RAB33B: variants seen among roughly 807,000 people sequenced by gnomAD.
The protein encoded by RAB33B is ras-related protein Rab-33B.
RAB33B carries 6 observed loss-of-function variants against 15.0 expected under a neutral mutation model. The ratio of observed to expected loss-of-function variants is 0.40; its 90% CI spans 0.22 to 0.79. The LOEUF is 0.79. Among genes scored for constraint, RAB33B ranks in the 30% least tolerant of loss-of-function variants. The probability of loss-of-function intolerance (pLI) is 0.37; values close to 1 mark genes in which losing one functional copy is unlikely to be tolerated. For missense variants in RAB33B, 257 were observed against 296.4 expected (o/e 0.87, Z 0.98); for synonymous variants, 117 against 108.3 (o/e 1.08, Z -0.50).
intron 1 of RAB33B, among the ~76,000 whole-genome samples, chr4:139,457,950 C>G (rs990476865): frequency 6.6e-6 from 1 of 152,198 alleles, no homozygotes; most frequent in Non-Finnish European, 1.5e-5. Flanking sequence ...AATTCTAGTT[C>G]AAGTCCTTTT....
intron 1 of RAB33B, 113 bp from the exon 2 acceptor site, chr4:139,472,573 A>G: frequency 1.2e-6 from 1 of 800,606 alleles, no homozygotes; most frequent in Non-Finnish European, 1.9e-6. Flanking sequence ...GAAGGGAGAA[A>G]TCAAAATATT....
intron 1 of RAB33B, among the ~76,000 whole-genome samples, chr4:139,461,238 C>T (rs1750166386): frequency 6.6e-6 from 1 of 152,132 alleles, no homozygotes; most frequent in Admixed American, 6.5e-5. Context: ...CACATGCCCT[C>T]CCTGGGAGCC....
In RAB33B at chr4:139,454,338, G is replaced by A; in HGVS notation, c.143G>A (p.Cys48Tyr). ...VIGDSNVGKTCLTYRFCAGRF... is the reference protein window; with the variant it reads ...VIGDSNVGKTYLTYRFCAGRF... ...GGCGACTCCAATGTGGGCAAGACAT[G>A]CCTGACCTACCGCTTCTGCGCTGGC... Residue 48 changes from cysteine to tyrosine, a missense_variant, in exon 1 of 2, where the codon TGC becomes TAC. By Grantham distance (194) the Cys-to-Tyr change is radical (BLOSUM62 -2). Coordinates refer to ENST00000305626, the MANE Select transcript of RAB33B (RefSeq NM_031296.3). The A allele has an allele frequency of 6.2e-7, 1 of 1,614,160 alleles. No individual in the cohort carries two copies. Among genetic ancestry groups the A allele is most frequent in the Non-Finnish European group, 8.5e-7 (1 of 1,180,024 alleles).
chr4:139,473,086 T>C lies in RAB33B; in HGVS notation c.650T>C (p.Leu217Pro). The change falls in exon 2 of 2, where the codon CTG (leucine) becomes CCG (proline). Residue 217 changes from leucine (L) to proline (P), a missense_variant. Physicochemically the swap from Leu to Pro is moderately conservative, Grantham distance 98. Transcript: ENST00000305626. ...CAGCCCCCTGATAATGGAATTATCC[T>C]GAAGCCTGAACCAAAGCCTGCAATG... is the stretch of plus-strand genomic sequence containing the variant. Reference protein sequence around the residue: ...LSQPPDNGIILKPEPKPAMTC... With the variant: ...LSQPPDNGIIPKPEPKPAMTC... 1 of 1,612,070 alleles carries C rather than the reference T, an allele frequency of 6.2e-7. No individual in the cohort carries two copies.
At position 139,474,234 on chromosome 4, in the gene RAB33B, AT is replaced by A. The variant is rs1237109210; in HGVS notation, c.*1109del. 1 of 152,188 alleles carries A rather than the reference AT, an allele frequency of 6.6e-6. No individual in the cohort carries two copies. The highest frequency in any genetic ancestry group is 2.4e-5 in the African/African-American group (1 of 41,458). 9.4% of individuals were successfully genotyped at this position (152,188 alleles called of 1,614,324 possible). On this transcript the variant is annotated 3_prime_UTR_variant, in exon 2 of 2. Coordinates refer to ENST00000305626, the MANE Select transcript of RAB33B (RefSeq NM_031296.3). ...CTTTCTTACTAAATCCTATTAAAAT[AT>A]GCAAAAATAAGTCAGATTTTAAGGC...
chr4:139,456,024 C>T (rs1750062208), intron 1 of RAB33B, among the ~76,000 whole-genome samples: 1 of 152,202 alleles, frequency 6.6e-6, no homozygotes, highest in Admixed American at 6.5e-5. Context: ...GATTCTTTAA[C>T]CTCTCAGAGT....
chr4:139,466,682 G>A (rs1413039379), intron 1 of RAB33B, among the ~76,000 whole-genome samples: 5 of 151,672 alleles, frequency 3.3e-5, no homozygotes, highest in African/African-American at 1.2e-4. Flanking sequence ...GGGTTCAAGC[G>A]ATTCTCGTGC....
the RAB33B span, among the ~76,000 whole-genome samples, chr4:139,447,151 A>C: frequency 6.6e-6 from 1 of 152,168 alleles, no homozygotes; most frequent in African/African-American, 2.4e-5. Context: ...CAGTGGGCTC[A>C]TGCTCATGGA....
intron 1 of RAB33B, among the ~76,000 whole-genome samples, chr4:139,455,444 C>T (rs558402806): frequency 6.6e-6 from 1 of 152,268 alleles, no homozygotes; most frequent in East Asian, 1.9e-4. Flanking sequence ...GACGTTCCTA[C>T]CCTCGTATCT....
At chr4:139,443,972 A>G in the RAB33B span, among the ~76,000 whole-genome samples, 4 of 152,230 alleles carry the variant, frequency 2.6e-5, no homozygotes, top group Non-Finnish European at 5.9e-5. Flanking sequence ...AACAAGACTA[A>G]AGTCCCGGCA....
Position 139,473,385 on chromosome 4 carries a change from G to T in RAB33B, c.*259G>T. 2.3e-6 allele frequency: 1 copy of T among 439,758 alleles called. No homozygotes were observed. 27.2% of individuals were successfully genotyped at this position (439,758 alleles called of 1,614,324 possible). On this transcript the variant is annotated 3_prime_UTR_variant, in exon 2 of 2. Coordinates refer to ENST00000305626, the MANE Select transcript of RAB33B (RefSeq NM_031296.3). ...ATCTCTCCATCTAGAGCCCAATGAA[G>T]GAAGCTTCAAATGAGAACATGATGG...
At chr4:139,453,975 G>A (rs1290872589), upstream of RAB33B, 3 of 423,436 alleles carry the variant, frequency 7.1e-6, no homozygotes, top group Admixed American at 4.7e-5. Context: ...GCGTGTGGCC[G>A]CGGGCAGGCG....
chr4:139,468,832 A>T (rs1242289883), intron 1 of RAB33B, among the ~76,000 whole-genome samples: 4 of 152,204 alleles, frequency 2.6e-5, no homozygotes, highest in African/African-American at 9.6e-5. Flanking sequence ...CAGATATACC[A>T]TTCTAGGATA....
chr4:139,466,850 G>A (rs1299957545), intron 1 of RAB33B, among the ~76,000 whole-genome samples: 1 of 151,602 alleles, frequency 6.6e-6, no homozygotes, highest in Non-Finnish European at 1.5e-5. Context: ...AAAGTGCTGG[G>A]ATTACAGGCG....
At chr4:139,450,063 G>C (rs1749891187), upstream of RAB33B, 1 of 152,106 alleles carries the variant, frequency 6.6e-6, no homozygotes, top group Non-Finnish European at 1.5e-5. Context: ...ATATTAATTT[G>C]CTTCTGCAGA....
chr4:139,473,026 A>G lies in RAB33B; in HGVS notation c.590A>G (p.His197Arg). 6.2e-7 allele frequency: 1 copy of G among 1,614,090 alleles called. No homozygotes were observed. Residue 197 changes from histidine to arginine, a missense_variant, in exon 2 of 2, where the codon CAT becomes CGT. Coordinates refer to ENST00000305626, the MANE Select transcript of RAB33B (RefSeq NM_031296.3). ...HVEAIFMTLA[H>R]KLKSHKPLML... ...GAAGCTATATTTATGACCTTGGCTC[A>G]TAAGCTTAAGAGCCACAAACCATTA...
At chr4:139,463,328 G>A (rs1354418120) in intron 1 of RAB33B, among the ~76,000 whole-genome samples, 1 of 152,048 alleles carries the variant, frequency 6.6e-6, no homozygotes, top group East Asian at 1.9e-4. Context: ...TAGAGACGGG[G>A]TTTCACCATG....
At chr4:139,460,992 A>T (rs906121794) in intron 1 of RAB33B, among the ~76,000 whole-genome samples, 1 of 152,214 alleles carries the variant, frequency 6.6e-6, no homozygotes, top group African/African-American at 2.4e-5. Context: ...TGGTGAGAAG[A>T]GAATTACTTA....
intron 1 of RAB33B, among the ~76,000 whole-genome samples, chr4:139,454,703 G>A (rs1390716950): frequency 1.3e-5 from 2 of 152,182 alleles, no homozygotes; most frequent in African/African-American, 2.4e-5. Flanking sequence ...CGCTGATGAT[G>A]CAGGTGCAGC....
Sources: gnomAD v4.1 joint callset for allele counts (sites outside exome capture counted in the v4.1 genomes callset) on GRCh38, gnomAD v4.1.1 for gene constraint, MANE v1.5 for transcripts, NCBI Gene and HGNC (gene_info 2026-07-23, HGNC 2026-07-21) for gene names.